CEP170: variants seen among roughly 807,000 people sequenced by gnomAD.
CEP170 encodes the protein centrosomal protein 170, also known as centrosomal protein of 170 kDa.
A neutral mutation model predicts 151.9 loss-of-function variants in CEP170; 21 were observed. That is an observed-to-expected ratio of 0.14 (90% CI 0.10 to 0.20). The LOEUF is 0.20. Ranked by LOEUF, CEP170 falls within the 10% of genes least tolerant of loss-of-function variation. CEP170 has a pLI of 1.00. For synonymous variants in CEP170, 356 were observed against 648.8 expected (o/e 0.55, Z 6.86); for missense variants, 964 against 1,892.9 (o/e 0.51, Z 9.11).
intron 11 of CEP170, among the ~76,000 whole-genome samples, chr1:243,171,238 A>C (rs772169904): frequency 2.0e-5 from 3 of 152,224 alleles, no homozygotes; most frequent in Non-Finnish European, 2.9e-5. Context: ...ATAAAACAGA[A>C]ACCAGAATAA....
At chr1:243,235,611 G>C (rs2064181672) in intron 1 of CEP170, among the ~76,000 whole-genome samples, 1 of 150,858 alleles carries the variant, frequency 6.6e-6, no homozygotes, top group East Asian at 1.9e-4. Flanking sequence ...TTTTGTGAAA[G>C]GCAATTAAAG....
intron 14 of CEP170, among the ~76,000 whole-genome samples, chr1:243,148,078 C>G (rs1297516936): frequency 1.3e-5 from 2 of 151,860 alleles, no homozygotes; most frequent in Non-Finnish European, 2.9e-5. Flanking sequence ...ACTCGGGAGG[C>G]TGAGGCAGGA....
At chr1:243,228,227 A>G (rs949786866) in intron 1 of CEP170, among the ~76,000 whole-genome samples, 3 of 152,230 alleles carry the variant, frequency 2.0e-5, no homozygotes, top group African/African-American at 4.8e-5. Context: ...CTTGAATATC[A>G]TATGTTATCT....
At chr1:243,209,697 T>C (rs75579588) in intron 4 of CEP170, among the ~76,000 whole-genome samples, 1 of 151,926 alleles carries the variant, frequency 6.6e-6, no homozygotes, top group Non-Finnish European at 1.5e-5. Flanking sequence ...TTTTTTTTTT[T>C]GAGACGGAGT....
At chr1:243,193,691 G>C (rs1343188124) in intron 7 of CEP170, among the ~76,000 whole-genome samples, 1 of 152,020 alleles carries the variant, frequency 6.6e-6, no homozygotes, top group African/African-American at 2.4e-5. Context: ...ACCAGGTCAA[G>C]TAGCACAATA....
At chr1:243,209,376 G>C (rs2061624297) in intron 4 of CEP170, among the ~76,000 whole-genome samples, 1 of 151,936 alleles carries the variant, frequency 6.6e-6, no homozygotes, top group South Asian at 2.1e-4. Context: ...TGGTAGAGAT[G>C]AGATTTCGCC....
intron 7 of CEP170, among the ~76,000 whole-genome samples, chr1:243,193,755 T>C (rs1325884059): frequency 6.6e-6 from 1 of 152,056 alleles, no homozygotes; most frequent in Admixed American, 6.6e-5. Context: ...CAGCCTGGTT[T>C]CATGCAAAGC....
At chr1:243,138,252 C>T (rs929634145) in intron 16 of CEP170, among the ~76,000 whole-genome samples, 3 of 151,874 alleles carry the variant, frequency 2.0e-5, no homozygotes, top group Non-Finnish European at 2.9e-5. Flanking sequence ...TCCTAGACAT[C>T]GGGACAGAAT....
chr1:243,180,095 C>T (rs1447706605), intron 10 of CEP170, among the ~76,000 whole-genome samples: 14 of 151,898 alleles, frequency 9.2e-5, no homozygotes, highest in Admixed American at 2.0e-4. Context: ...ATTGCTAAGA[C>T]GATAAATTTT....
At chr1:243,170,193 C>G (rs1413521892) in intron 11 of CEP170, among the ~76,000 whole-genome samples, 1 of 150,472 alleles carries the variant, frequency 6.6e-6, no homozygotes, top group Non-Finnish European at 1.5e-5. Context: ...CGAGACCACC[C>G]TGGCCAACAT....
intron 1 of CEP170, among the ~76,000 whole-genome samples, chr1:243,236,201 A>T (rs2064233415): frequency 6.6e-6 from 1 of 152,218 alleles, no homozygotes; most frequent in Admixed American, 6.5e-5. Flanking sequence ...TCAAGGTTAC[A>T]AATGCAGTAT....
chr1:243,238,423 C>T (rs1466763543), intron 1 of CEP170, among the ~76,000 whole-genome samples: 1 of 151,886 alleles, frequency 6.6e-6, no homozygotes. Flanking sequence ...TGTGCCATTG[C>T]ACTCTAGCTG....
chr1:243,158,926 G>T (rs1295730221), intron 13 of CEP170, among the ~76,000 whole-genome samples: 1 of 151,782 alleles, frequency 6.6e-6, no homozygotes, highest in East Asian at 1.9e-4. Context: ...AATTAGCCAG[G>T]CGTGGTAGGG....
chr1:243,171,915 C>T (rs1461214216), intron 11 of CEP170, among the ~76,000 whole-genome samples: 1 of 152,184 alleles, frequency 6.6e-6, no homozygotes, highest in East Asian at 1.9e-4. Flanking sequence ...CATACTGACT[C>T]TGTAATTATC....
intron 2 of CEP170, among the ~76,000 whole-genome samples, chr1:243,224,194 C>T (rs1180474157): frequency 6.6e-6 from 1 of 152,118 alleles, no homozygotes; most frequent in Non-Finnish European, 1.5e-5. Context: ...AATTTAAATC[C>T]TAACAAAGAC....
Position 243,164,673 on chromosome 1 carries a change from C to G in CEP170, c.3287G>C (p.Arg1096Pro), listed in dbSNP as rs746089298. The G allele has an allele frequency of 6.2e-7, 1 of 1,613,726 alleles. No individual in the cohort carries two copies. Among genetic ancestry groups the G allele is most frequent in the Non-Finnish European group, 8.5e-7 (1 of 1,179,716 alleles). ...GCGCAAGAGGGAAGTCCTGGTAGGT[C>G]GTGGCCTTGGAAGGGTGGTTGATTT... ...SSKSTTLPRP[R>P]PTRTSLLRRA... is the part of the protein sequence containing the mutation. The change falls in exon 13 of 20, where the codon CGA (arginine) becomes CCA (proline). Residue 1096 changes from arginine (R) to proline (P), a missense_variant. By Grantham distance (103) the Arg-to-Pro change is moderately radical (BLOSUM62 -2). Coordinates refer to ENST00000366542, the MANE Select transcript of CEP170 (RefSeq NM_014812.3).
intron 10 of CEP170, among the ~76,000 whole-genome samples, chr1:243,177,565 A>G (rs1220915473): frequency 6.6e-6 from 1 of 152,204 alleles, no homozygotes; most frequent in Non-Finnish European, 1.5e-5. Flanking sequence ...TCTCTGTTGG[A>G]TCAAATCAAT....
At chr1:243,191,994 T>C (rs994787006) in intron 7 of CEP170, among the ~76,000 whole-genome samples, 1 of 152,186 alleles carries the variant, frequency 6.6e-6, no homozygotes, top group African/African-American at 2.4e-5. Context: ...GAAGTAAATA[T>C]GTAAGTGATC....
Position 243,185,745 on chromosome 1 carries a change from C to A in CEP170, c.1566+34G>T, listed in dbSNP as rs777295402. ...TCCACCAGTCAAATACACCACACAA[C>A]AACTAAGATCACACTCAAATTTCAA... is the stretch of plus-strand genomic sequence containing the variant. On this transcript the variant is annotated intron_variant, in intron 10 of 19. Coordinates refer to ENST00000366542, the MANE Select transcript of CEP170 (RefSeq NM_014812.3). The surrounding 1 kb of genome is among the most constrained non-coding windows in gnomAD (Gnocchi z 4.9). 1.3e-6 allele frequency: 2 copies of A among 1,551,384 alleles called. No homozygotes were observed. Among genetic ancestry groups the A allele is most frequent in the Admixed American group, 3.8e-5 (2 of 52,766 alleles).
Sources: gnomAD v4.1 joint callset for allele counts (sites outside exome capture counted in the v4.1 genomes callset) on GRCh38, gnomAD v4.1.1 for gene constraint, Gnocchi (gnomAD v3.1) non-coding constraint, MANE v1.5 for transcripts, NCBI Gene and HGNC (gene_info 2026-07-23, HGNC 2026-07-21) for gene names.